POMP: variants seen among roughly 807,000 people sequenced by gnomAD.
The protein encoded by POMP is 2510048O06Rik.
In POMP, 12 loss-of-function variants were observed where a neutral mutation model predicts 20.6. The observed-to-expected ratio is 0.58, with a 90% CI of 0.37 to 0.94. POMP has a LOEUF of 0.94. POMP is among the 40% of genes least tolerant of loss of function. POMP has a pLI of 0.01. For missense variants in POMP, 136 were observed against 161.1 expected (o/e 0.84, Z 0.84); for synonymous variants, 53 against 55.0 (o/e 0.96, Z 0.16).
intron 4 of POMP, among the ~76,000 whole-genome samples, chr13:28,669,510 G>A (rs919478309): frequency 6.6e-6 from 1 of 151,996 alleles, no homozygotes; most frequent in African/African-American, 2.4e-5. Flanking sequence ...TGAGTAGCAG[G>A]GACTACAGTC....
At chr13:28,665,555 A>G (rs1429000668) in intron 3 of POMP, among the ~76,000 whole-genome samples, 1 of 152,186 alleles carries the variant, frequency 6.6e-6, no homozygotes, top group Admixed American at 6.5e-5. Context: ...AATGGGAGAA[A>G]TGAAAATTGG....
Position 28,672,410 on chromosome 13 carries a change from T to C in POMP, c.336T>C (p.Ile112=). The part of the protein sequence containing the change: ...LDVLRGNDET[I]GFEDILNDPS... ...TTTTGAGGGGTAATGATGAGACTAT[T>C]GGATTTGAGGATATTCTTAATGGTA... Residue 112 remains isoleucine, a synonymous_variant, in exon 5 of 6, where the codon ATT becomes ATC. Coordinates refer to ENST00000380842, the MANE Select transcript of POMP (RefSeq NM_015932.6). 6.2e-7 allele frequency: 1 copy of C among 1,602,116 alleles called. No homozygotes were observed. Among genetic ancestry groups the C allele is most frequent in the Non-Finnish European group, 8.6e-7 (1 of 1,169,154 alleles).
chr13:28,677,087 T>C (rs911538814), intron 5 of POMP, among the ~76,000 whole-genome samples: 6 of 152,240 alleles, frequency 3.9e-5, no homozygotes, highest in African/African-American at 1.4e-4. Context: ...AGATTTGCTG[T>C]AGTGACCCTC....
Position 28,678,350 on chromosome 13 carries a change from TGC to T in POMP, c.*249_*250del. 1 of 457,824 alleles carries T rather than the reference TGC, an allele frequency of 2.2e-6. No individual in the cohort carries two copies. The allele number at this position is 457,824 out of a possible 1,614,324, so 28.4% of individuals were successfully genotyped here. A position where few individuals can be genotyped will look rare whatever the true frequency, so the allele number is the denominator to read the frequency against. On this transcript the variant is annotated 3_prime_UTR_variant, in exon 6 of 6. Coordinates refer to ENST00000380842, the MANE Select transcript of POMP (RefSeq NM_015932.6). Reference sequence around the variant, plus strand: ...TAGCCTTTGTCTTTAAAAAAGTTGTTGCTCATGAATATTATAAAATGATCTAC... The same window carrying T: ...TAGCCTTTGTCTTTAAAAAAGTTGTTTCATGAATATTATAAAATGATCTAC...
At chr13:28,669,569 G>A (rs944017198) in intron 4 of POMP, among the ~76,000 whole-genome samples, 5 of 152,146 alleles carry the variant, frequency 3.3e-5, no homozygotes, top group Middle Eastern at 6.8e-3. Context: ...TTGTAGAAAC[G>A]GGCTCTTGCT....
At chr13:28,676,240 G>A (rs993681840) in intron 5 of POMP, among the ~76,000 whole-genome samples, 2 of 152,066 alleles carry the variant, frequency 1.3e-5, no homozygotes, top group African/African-American at 2.4e-5. Context: ...TCCTGACCTC[G>A]TGATCTGCCC....
chr13:28,660,010 T>A (rs1268813218), intron 1 of POMP: 1 of 152,250 alleles, frequency 6.6e-6, no homozygotes, highest in Non-Finnish European at 1.5e-5. Flanking sequence ...CTTTCTCGGC[T>A]CCTTCCTTTA....
intron 2 of POMP, 54 bp from the exon 3 acceptor site, chr13:28,664,455 G>A: frequency 8.3e-7 from 1 of 1,204,972 alleles, no homozygotes. Context: ...TGAGCTCTGG[G>A]TATTGAGTGA....
Position 28,662,390 on chromosome 13 carries a change from G to C in POMP, c.4-20G>C. On this transcript the variant is annotated intron_variant, in intron 1 of 5. Coordinates refer to ENST00000380842, the MANE Select transcript of POMP (RefSeq NM_015932.6). Reference sequence around the variant, plus strand: ...TTAAATTTTTTTTCTATTTAATAATGTTTTTTATTTGTGTTGTAGAATGCC... The same window carrying C: ...TTAAATTTTTTTTCTATTTAATAATCTTTTTTATTTGTGTTGTAGAATGCC... 6.3e-7 allele frequency: 1 copy of C among 1,577,198 alleles called. No individual in the cohort carries two copies. The highest frequency in any genetic ancestry group is 2.2e-5 in the East Asian group (1 of 44,648).
At chr13:28,671,572 C>T (rs1414106254) in intron 4 of POMP, among the ~76,000 whole-genome samples, 1 of 151,786 alleles carries the variant, frequency 6.6e-6, no homozygotes, top group African/African-American at 2.4e-5. Context: ...AACTACCAGA[C>T]CCCTTGCTGT....
rs1053316594 is a variant in POMP at position 28,664,657 on chromosome 13, G to T, written c.162+88G>T. On this transcript the variant is annotated intron_variant, in intron 3 of 5. Coordinates refer to ENST00000380842, the MANE Select transcript of POMP (RefSeq NM_015932.6). ...GTTTCATTTTATTAAAACAATTTTG[G>T]TACTGAGGATTTGCCCATGAAGAAT... 1.6e-5 allele frequency: 14 copies of T among 850,110 alleles called. No individual in the cohort carries two copies. The African/African-American group carries it at 2.4e-4, about 15-fold the overall frequency. 52.7% of individuals were successfully genotyped at this position (850,110 alleles called of 1,614,324 possible). A position where few individuals can be genotyped will look rare whatever the true frequency, so the allele number is the denominator to read the frequency against.
chr13:28,662,563 ATTCTT>A, intron 2 of POMP, 56 bp downstream of exon 2: 1 of 1,398,690 alleles, frequency 7.1e-7, no homozygotes, highest in Non-Finnish European at 1.0e-6. Flanking sequence ...TTTTCACAAT[ATTCTT>A]TAAGTATTTT....
intron 3 of POMP, among the ~76,000 whole-genome samples, chr13:28,667,735 A>C (rs962091011): frequency 1.3e-5 from 2 of 152,214 alleles, no homozygotes. Flanking sequence ...CTTAGCTCAG[A>C]CAAATCTTTG....
chr13:28,662,089 T>A (rs7991576), intron 1 of POMP, among the ~76,000 whole-genome samples: 57,411 of 152,030 alleles, frequency 0.38, 11,097 homozygotes, highest in East Asian at 0.5. Context: ...ATTTAGCCAG[T>A]TATCTCAAAC....
At chr13:28,664,296 A>G (rs1423931007) in intron 2 of POMP, among the ~76,000 whole-genome samples, 3 of 152,106 alleles carry the variant, frequency 2.0e-5, no homozygotes, top group Non-Finnish European at 2.9e-5. Flanking sequence ...TTACATTATT[A>G]TATATACCTT....
chr13:28,660,247 G>A lies in POMP; in HGVS notation c.3+1060G>A, dbSNP rs550166119. On this transcript the variant is annotated intron_variant, in intron 1 of 5. Transcript: ENST00000380842. ...CTGCTGAAGGTCCCCAACTTCTGGTGGTTCAACAATCTTCTGACTTTATGA... is the reference window on the plus strand; with the variant it reads ...CTGCTGAAGGTCCCCAACTTCTGGTAGTTCAACAATCTTCTGACTTTATGA... Among the ~76,000 whole-genome samples, 9 of 152,306 alleles carry A rather than the reference G, an allele frequency of 5.9e-5. No individual in the cohort carries two copies. In the East Asian group the frequency reaches 1.7e-3, roughly 29 times the overall value.
At position 28,668,196 on chromosome 13, in the gene POMP, A is replaced by T. The variant is rs570225357; in HGVS notation, c.163-277A>T. Reference sequence around the variant, plus strand: ...GCGCTAAAATATGATTGTCTTGTAAATCTACTTTTGAATAGGAGACACATT... The same window carrying T: ...GCGCTAAAATATGATTGTCTTGTAATTCTACTTTTGAATAGGAGACACATT... On this transcript the variant is annotated intron_variant, in intron 3 of 5. Coordinates refer to ENST00000380842, the MANE Select transcript of POMP (RefSeq NM_015932.6). Among the ~76,000 whole-genome samples, 57 of 152,326 alleles carry T rather than the reference A, an allele frequency of 3.7e-4. No individual in the cohort carries two copies. In the South Asian group the frequency reaches 7.0e-3, roughly 19 times the overall value.
intron 1 of POMP, among the ~76,000 whole-genome samples, chr13:28,660,646 T>C (rs1884321353): frequency 6.6e-6 from 1 of 152,212 alleles, no homozygotes; most frequent in Non-Finnish European, 1.5e-5. Flanking sequence ...GAGAGGTTGG[T>C]GCTTTGCTGG....
chr13:28,672,276 A>C, intron 4 of POMP, 63 bp from the exon 5 acceptor site: 1 of 1,198,496 alleles, frequency 8.3e-7, no homozygotes, highest in Non-Finnish European at 1.2e-6. Context: ...AAATTAGACT[A>C]TATATTCTGT....
Sources: gnomAD v4.1 joint callset for allele counts (sites outside exome capture counted in the v4.1 genomes callset) on GRCh38, gnomAD v4.1.1 for gene constraint, MANE v1.5 for transcripts, NCBI Gene and HGNC (gene_info 2026-07-23, HGNC 2026-07-21) for gene names.